Variants in MAGI3 observed in about 807,000 individuals in gnomAD.
MAGI3 encodes membrane associated guanylate kinase, WW and PDZ domain containing 3, also known as membrane-associated guanylate kinase, WW and PDZ domain-containing protein 3.
In MAGI3, 43 loss-of-function variants were observed where a neutral mutation model predicts 121.8. The observed-to-expected ratio is 0.35, with a 90% confidence interval of 0.28 to 0.46. The LOEUF is 0.46. MAGI3 is among the 20% of genes least tolerant of loss of function. The probability of loss-of-function intolerance (pLI) is 1.00; values close to 1 mark genes in which losing one functional copy is unlikely to be tolerated. For synonymous variants in MAGI3, 553 were observed against 639.3 expected (o/e 0.86, Z 2.04); for missense variants, 1,547 against 1,797.3 (o/e 0.86, Z 2.52).
intron 1 of MAGI3, among the ~76,000 whole-genome samples, chr1:113,540,476 T>A (rs1160435140): frequency 6.6e-6 from 1 of 152,216 alleles, no homozygotes; most frequent in Non-Finnish European, 1.5e-5. Context: ...AAGCGGTCAA[T>A]GTGCAGGTCT....
intron 9 of MAGI3, among the ~76,000 whole-genome samples, chr1:113,636,426 T>C (rs1652028757): frequency 6.6e-6 from 1 of 152,248 alleles, no homozygotes; most frequent in African/African-American, 2.4e-5. Context: ...TGGTATGTTG[T>C]GTCTTTCTTC....
At chr1:113,606,665 A>T (rs1649792438) in intron 6 of MAGI3, among the ~76,000 whole-genome samples, 1 of 152,096 alleles carries the variant, frequency 6.6e-6, no homozygotes, top group Non-Finnish European at 1.5e-5. Context: ...ACTTCAAATA[A>T]GCTTATTTAA....
intron 4 of MAGI3, 135 bp from the exon 5 acceptor site, chr1:113,590,349 G>C (rs1648617369): frequency 1.3e-6 from 1 of 798,896 alleles, no homozygotes; most frequent in South Asian, 1.6e-5. Context: ...AAAATTTATA[G>C]CAGAATGTGG....
At chr1:113,610,225 C>G (rs1274450181) in intron 6 of MAGI3, among the ~76,000 whole-genome samples, 1 of 152,140 alleles carries the variant, frequency 6.6e-6, no homozygotes, top group Non-Finnish European at 1.5e-5. Context: ...GCTCCGCCTC[C>G]TGGGTTCATG....
chr1:113,673,272 A>G, intron 18 of MAGI3, 50 bp from the exon 19 acceptor site: 1 of 1,570,906 alleles, frequency 6.4e-7, no homozygotes, highest in South Asian at 1.2e-5. Context: ...TTCAAAATGT[A>G]AGTAAACAGT....
chr1:113,585,687 A>G, intron 4 of MAGI3, 91 bp downstream of exon 4: 2 of 1,099,068 alleles, frequency 1.8e-6, no homozygotes, highest in South Asian at 1.6e-5. Flanking sequence ...TTTACAAAGC[A>G]TATGGAGAGC....
At chr1:113,457,279 T>C (rs1356658095) in intron 1 of MAGI3, among the ~76,000 whole-genome samples, 1 of 152,200 alleles carries the variant, frequency 6.6e-6, no homozygotes, top group Non-Finnish European at 1.5e-5. Context: ...TTGCTTGATA[T>C]CTGTAAACAG....
rs1368973395 is a variant in MAGI3 at position 113,585,402 on chromosome 1, C to T, written c.569C>T (p.Thr190Ile). The change falls in exon 4 of 21, where the codon ACT (threonine) becomes ATT (isoleucine). Residue 190 changes from threonine to isoleucine, a missense_variant. Thr to Ile is a moderately conservative substitution (Grantham distance 89, BLOSUM62 -1). Transcript: ENST00000307546. ...TTCACTTCAGGAAACTTCTATGGAA[C>T]TCCCAAGCCTCCAGCAGAACCCAGC... is the stretch of plus-strand genomic sequence containing the variant. The part of the protein sequence containing the change: ...SGTYDGNFYG[T>I]PKPPAEPSPF... 1.9e-6 allele frequency: 3 copies of T among 1,613,842 alleles called. No individual in the cohort carries two copies. Among genetic ancestry groups the T allele is most frequent in the African/African-American group, 2.7e-5 (2 of 74,920 alleles).
At chr1:113,461,307 G>T (rs1331353782) in intron 1 of MAGI3, among the ~76,000 whole-genome samples, 1 of 152,102 alleles carries the variant, frequency 6.6e-6, no homozygotes, top group Non-Finnish European at 1.5e-5. Context: ...AAGTGCCAGA[G>T]GCATCATGTT....
At position 113,520,448 on chromosome 1, in the gene MAGI3, G is replaced by A. The variant is rs572597936; in HGVS notation, c.317-29067G>A. 2.0e-4 allele frequency among the ~76,000 whole-genome samples: 30 copies of A among 152,002 alleles called. 1 individual carries two copies. The South Asian group carries it at 6.0e-3, about 31-fold the overall frequency. ...AATATATGTTTATAGATTAGTATAA[G>A]GAACATTATTTTGTCAAATTGTATT... On this transcript the variant is annotated intron_variant, in intron 1 of 20. Coordinates refer to ENST00000307546, the MANE Select transcript of MAGI3 (RefSeq NM_001142782.2).
At chr1:113,643,839 T>C in intron 11 of MAGI3, 65 bp downstream of exon 11, 2 of 1,459,942 alleles carry the variant, frequency 1.4e-6, no homozygotes, top group Non-Finnish European at 1.9e-6. Context: ...CATTCCCCTC[T>C]GTAAGAGGAG....
intron 9 of MAGI3, among the ~76,000 whole-genome samples, chr1:113,627,594 T>C: frequency 6.8e-6 from 1 of 148,134 alleles, no homozygotes; most frequent in South Asian, 2.1e-4. Context: ...TCATATATTA[T>C]ATAATAATTA....
intron 1 of MAGI3, among the ~76,000 whole-genome samples, chr1:113,416,176 T>TA: frequency 9.5e-6 from 1 of 105,132 alleles, no homozygotes; most frequent in African/African-American, 2.9e-5. Context: ...ATGTAATTAA[T>TA]GACACATATT....
chr1:113,662,442 CTTAAA>C (rs999855934), intron 16 of MAGI3, among the ~76,000 whole-genome samples: 53 of 152,176 alleles, frequency 3.5e-4, no homozygotes, highest in South Asian at 1.0e-3. Context: ...TAAAAAAAAA[CTTAAA>C]TTATATAATT....
At chr1:113,483,331 A>G (rs189081101) in intron 1 of MAGI3, among the ~76,000 whole-genome samples, 10 of 152,268 alleles carry the variant, frequency 6.6e-5, no homozygotes, top group East Asian at 5.8e-4. Context: ...CTAATCCCCA[A>G]TATGATGATA....
rs950330757 is a variant in MAGI3 at position 113,456,208 on chromosome 1, G to A, written c.316+64859G>A. On this transcript the variant is annotated intron_variant, in intron 1 of 20. Transcript: ENST00000307546. Reference sequence around the variant, plus strand: ...TCTTGATCTCCTGACCTCGTGATCCGCCCACCTCAGCCTCCCAAAGTGCTG... The same window carrying A: ...TCTTGATCTCCTGACCTCGTGATCCACCCACCTCAGCCTCCCAAAGTGCTG... Among the ~76,000 whole-genome samples, 10 of 138,198 alleles carry A rather than the reference G, an allele frequency of 7.2e-5. No homozygotes were observed. In the East Asian group the frequency reaches 1.5e-3, roughly 21 times the overall value. 90.7% of individuals were successfully genotyped at this position (138,198 alleles called of 152,430 possible).
At chr1:113,566,405 A>G (rs1448258531) in intron 2 of MAGI3, among the ~76,000 whole-genome samples, 1 of 152,210 alleles carries the variant, frequency 6.6e-6, no homozygotes, top group Admixed American at 6.5e-5. Flanking sequence ...GAATAAAACA[A>G]GACAAAAGAT....
intron 1 of MAGI3, among the ~76,000 whole-genome samples, chr1:113,425,032 G>A (rs941555343): frequency 3.3e-5 from 5 of 151,780 alleles, no homozygotes; most frequent in South Asian, 2.1e-4. Flanking sequence ...GGTGGCAGGC[G>A]CCTGTAATCC....
chr1:113,604,073 G>A (rs1352636633), intron 6 of MAGI3, among the ~76,000 whole-genome samples: 1 of 152,160 alleles, frequency 6.6e-6, no homozygotes, highest in Non-Finnish European at 1.5e-5. Context: ...AAACAGTATG[G>A]AGCATTCTTA....
Sources: allele counts gnomAD v4.1 joint callset (sites outside exome capture counted in the v4.1 genomes callset), GRCh38; gene constraint gnomAD v4.1.1; transcripts MANE v1.5; gene names NCBI Gene and HGNC (gene_info 2026-07-23, HGNC 2026-07-21).